The following EYS variants were observed in gnomAD, a reference collection of about 807,000 sequenced individuals.
EYS encodes the protein EGF-like photoreceptor maintenance factor, also known as protein eyes shut homolog.
A neutral mutation model predicts 282.1 loss-of-function variants in EYS; 250 were observed. The observed-to-expected ratio is 0.89, with a 90% CI of 0.80 to 0.98. The LOEUF is 0.98. Among genes scored for constraint, EYS ranks in the 50% least tolerant of loss-of-function variants. EYS has a pLI of 0.00. For synonymous variants in EYS, 1,355 were observed against 1,282.9 expected, an observed-to-expected ratio of 1.06 and a Z score of -1.20; for missense variants, 4,016 against 3,709.0, an observed-to-expected ratio of 1.08 and a Z score of -2.15.
chr6:63,820,499 C>G (rs1771294306), intron 36 of EYS, among the ~76,000 whole-genome samples: 1 of 152,124 alleles, frequency 6.6e-6, no homozygotes. Context: ...AATTTTCTCT[C>G]TTGGTTAAGA....
chr6:64,228,765 C>A (rs1766327559), intron 31 of EYS, among the ~76,000 whole-genome samples: 1 of 152,078 alleles, frequency 6.6e-6, no homozygotes, highest in African/African-American at 2.4e-5. Context: ...ACATCAAATA[C>A]AATTAAACCT....
At chr6:64,476,145 G>C (rs1280316395) in intron 26 of EYS, among the ~76,000 whole-genome samples, 1 of 152,076 alleles carries the variant, frequency 6.6e-6, no homozygotes, top group African/African-American at 2.4e-5. Flanking sequence ...ATTCAGCCCA[G>C]GGAGCTTTTA....
intron 5 of EYS, among the ~76,000 whole-genome samples, chr6:65,415,991 C>A (rs1401001923): frequency 6.6e-6 from 1 of 151,734 alleles, no homozygotes; most frequent in Non-Finnish European, 1.5e-5. Context: ...CAGGGGGTTA[C>A]AACGCGAGGA....
chr6:64,319,688 CAGAT>C (rs1159052892), intron 29 of EYS, among the ~76,000 whole-genome samples: 3 of 86,302 alleles, frequency 3.5e-5, no homozygotes, highest in Admixed American at 1.2e-4. Context: ...CAGGCAATCT[CAGAT>C]GGATGGATGG....
At chr6:64,605,713 A>C (rs1445445534) in intron 24 of EYS, among the ~76,000 whole-genome samples, 1 of 151,940 alleles carries the variant, frequency 6.6e-6, no homozygotes, top group Non-Finnish European at 1.5e-5. Flanking sequence ...AGAGCCATGA[A>C]ACATTTCAGA....
intron 8 of EYS, among the ~76,000 whole-genome samples, chr6:65,367,109 A>T (rs1165799325): frequency 7.9e-5 from 12 of 151,638 alleles, no homozygotes; most frequent in Non-Finnish European, 1.8e-4. Context: ...ACAGGGGAAA[A>T]TTTGGGTACC....
At chr6:64,759,838 C>T (rs1427240952) in intron 22 of EYS, among the ~76,000 whole-genome samples, 1 of 152,132 alleles carries the variant, frequency 6.6e-6, no homozygotes, top group East Asian at 1.9e-4. Context: ...TGAATAGTGT[C>T]TAACAGGACA....
chr6:64,355,463 G>A (rs528221131), intron 29 of EYS, among the ~76,000 whole-genome samples: 2 of 151,520 alleles, frequency 1.3e-5, no homozygotes, highest in African/African-American at 2.4e-5. Context: ...AATTTTTACC[G>A]TGTATTAAAG....
At chr6:65,502,761 A>C (rs1206041556) in intron 2 of EYS, among the ~76,000 whole-genome samples, 1 of 151,584 alleles carries the variant, frequency 6.6e-6, no homozygotes, top group Non-Finnish European at 1.5e-5. Context: ...AAAACCCTGC[A>C]GTTATGATTC....
intron 19 of EYS, among the ~76,000 whole-genome samples, chr6:64,877,041 T>C (rs895838446): frequency 2.6e-5 from 4 of 152,148 alleles, no homozygotes; most frequent in African/African-American, 9.7e-5. Context: ...TAAGATGTCA[T>C]ATTTCAGGCA....
At chr6:65,280,416 A>G (rs1204583093) in intron 12 of EYS, among the ~76,000 whole-genome samples, 1 of 152,180 alleles carries the variant, frequency 6.6e-6, no homozygotes, top group Non-Finnish European at 1.5e-5. Flanking sequence ...TTTTCAAGAT[A>G]TAATAGCTAA....
At chr6:63,933,293 C>T (rs956560115) in intron 35 of EYS, among the ~76,000 whole-genome samples, 12 of 152,160 alleles carry the variant, frequency 7.9e-5, no homozygotes, top group Admixed American at 3.9e-4. Flanking sequence ...AGTGCAGTGG[C>T]GCGATCTTGG....
intron 19 of EYS, among the ~76,000 whole-genome samples, chr6:64,836,927 A>G (rs1240818289): frequency 6.6e-6 from 1 of 151,664 alleles, no homozygotes; most frequent in Non-Finnish European, 1.5e-5. Context: ...AACTAGAGAC[A>G]CATTAATTAT....
intron 31 of EYS, among the ~76,000 whole-genome samples, chr6:64,213,609 T>C (rs1582436354): frequency 6.6e-6 from 1 of 152,286 alleles, no homozygotes; most frequent in African/African-American, 2.4e-5. Context: ...CACAATTCCG[T>C]TAAAGTTTCT....
chr6:64,317,875 G>C (rs557094157), intron 29 of EYS, among the ~76,000 whole-genome samples: 1 of 152,074 alleles, frequency 6.6e-6, no homozygotes, highest in African/African-American at 2.4e-5. Context: ...CATGGCTTTT[G>C]TAGGGACATG....
intron 26 of EYS, among the ~76,000 whole-genome samples, chr6:64,456,704 G>A (rs1055198768): frequency 5.9e-5 from 9 of 151,712 alleles, no homozygotes; most frequent in Admixed American, 5.9e-4. Flanking sequence ...ATTTTTCTGA[G>A]GCATATATTT....
intron 26 of EYS, among the ~76,000 whole-genome samples, chr6:64,453,844 C>T (rs1775456010): frequency 6.6e-6 from 1 of 152,020 alleles, no homozygotes; most frequent in African/African-American, 2.4e-5. Context: ...ACATCACACA[C>T]CGGGGACTGT....
Position 65,330,820 on chromosome 6 carries a change from T to A in EYS, c.1766+4160A>T, listed in dbSNP as rs1304129723. ...CGTCATTTTACCTTAAACTTTTAGATCCCTATACACATTTAGAGTCTACTT... is the reference window on the plus strand; with the variant it reads ...CGTCATTTTACCTTAAACTTTTAGAACCCTATACACATTTAGAGTCTACTT... On this transcript the variant is annotated intron_variant, in intron 11 of 42. Transcript: ENST00000503581. The A allele has an allele frequency of 7.4e-6, 7 of 944,470 alleles. No homozygotes were observed. In the East Asian group the frequency reaches 8.2e-4, roughly 110 times the overall value. 58.5% of individuals were successfully genotyped at this position (944,470 alleles called of 1,614,324 possible). A position where few individuals can be genotyped will look rare whatever the true frequency, so the allele number is the denominator to read the frequency against.
At chr6:64,711,400 C>T (rs1463313665) in intron 22 of EYS, among the ~76,000 whole-genome samples, 1 of 152,018 alleles carries the variant, frequency 6.6e-6, no homozygotes, top group Non-Finnish European at 1.5e-5. Flanking sequence ...AATTTTGTTA[C>T]TAACTTTCTT....
Sources: allele counts gnomAD v4.1 joint callset (sites outside exome capture counted in the v4.1 genomes callset), GRCh38; gene constraint gnomAD v4.1.1; transcripts MANE v1.5; gene names NCBI Gene and HGNC (gene_info 2026-07-23, HGNC 2026-07-21).